The following PINX1 variants were observed in gnomAD, a reference collection of about 807,000 sequenced individuals.
PINX1 encodes PIN2 (TERF1) interacting telomerase inhibitor 1.
PINX1 carries 34 observed loss-of-function variants against 25.4 expected under a neutral mutation model. The observed-to-expected ratio is 1.34, with a 90% CI of 1.02 to 1.78. The LOEUF is 1.78. Ranked by LOEUF, PINX1 falls within the 40% of genes most tolerant of loss-of-function variation. The pLI, the probability that PINX1 is intolerant of heterozygous loss-of-function variation, is 0.00. For synonymous variants in PINX1, 197 were observed against 147.7 expected (o/e 1.33, Z -2.42); for missense variants, 592 against 404.9 (o/e 1.46, Z -3.97).
At chr8:10,773,081 A>C (rs1801280126) in intron 6 of PINX1, among the ~76,000 whole-genome samples, 1 of 152,228 alleles carries the variant, frequency 6.6e-6, no homozygotes, top group Non-Finnish European at 1.5e-5. Context: ...CTTTCTCATT[A>C]TACAAGTACA....
intron 2 of PINX1, 44 bp downstream of exon 2, chr8:10,834,622 C>T (rs1326729568): frequency 4.4e-6 from 7 of 1,599,022 alleles, no homozygotes; most frequent in Non-Finnish European, 5.1e-6. Context: ...AATTTCTAAT[C>T]TCTTTTCATA....
intron 6 of PINX1, among the ~76,000 whole-genome samples, chr8:10,794,646 C>T (rs989542457): frequency 2.0e-5 from 3 of 152,204 alleles, no homozygotes; most frequent in Non-Finnish European, 4.4e-5. Context: ...AGGCTGATCT[C>T]GAACTCCTGA....
At chr8:10,794,070 G>C (rs1159378373) in intron 6 of PINX1, among the ~76,000 whole-genome samples, 1 of 152,148 alleles carries the variant, frequency 6.6e-6, no homozygotes, top group Non-Finnish European at 1.5e-5. Context: ...TTAAAAAATG[G>C]ACTTGCTAGT....
chr8:10,767,162 A>T (rs1801078494), intron 6 of PINX1, among the ~76,000 whole-genome samples: 1 of 152,152 alleles, frequency 6.6e-6, no homozygotes, highest in African/African-American at 2.4e-5. Context: ...GAAATCTCCA[A>T]ATCAGGATTC....
intron 6 of PINX1, among the ~76,000 whole-genome samples, chr8:10,786,336 G>C (rs921951541): frequency 3.3e-5 from 5 of 152,148 alleles, no homozygotes; most frequent in African/African-American, 1.2e-4. Context: ...TTGCATGGTT[G>C]GCTCTTTCTA....
At chr8:10,790,788 G>A (rs1183352749) in intron 6 of PINX1, among the ~76,000 whole-genome samples, 1 of 151,988 alleles carries the variant, frequency 6.6e-6, no homozygotes, top group Non-Finnish European at 1.5e-5. Flanking sequence ...TTTCTAAAAT[G>A]CAAAAGCAAC....
chr8:10,765,647 C>G lies in PINX1; in HGVS notation c.741G>C (p.Glu247Asp), dbSNP rs1034759181. 2.5e-6 allele frequency: 4 copies of G among 1,613,880 alleles called. No homozygotes were observed. The highest frequency in any genetic ancestry group is 2.7e-5 in the African/African-American group (2 of 74,940). The change falls in exon 7 of 7, where the codon GAG (glutamate) becomes GAC (aspartate). Residue 247 changes from glutamate (E) to aspartate (D), a missense_variant. Glu to Asp is a conservative substitution (Grantham distance 45). Coordinates refer to ENST00000314787, the MANE Select transcript of PINX1 (RefSeq NM_017884.6). ...EGKPERAEAQ[E>D]RVAKKKSAPA... ...GCGCGCTCTTCTTCTTGGCCACTCGCTCCTGGGCCTCGGCCCTCTCGGGCT... is the reference window on the plus strand; with the variant it reads ...GCGCGCTCTTCTTCTTGGCCACTCGGTCCTGGGCCTCGGCCCTCTCGGGCT...
At chr8:10,826,269 A>AT (rs1395849775) in intron 4 of PINX1, 25 bp from the exon 5 acceptor site, 4 of 1,249,548 alleles carry the variant, frequency 3.2e-6, no homozygotes. Flanking sequence ...AAAAAAATAC[A>AT]TTAAAGTCTT....
At chr8:10,828,511 C>T (rs1165154889) in intron 4 of PINX1, among the ~76,000 whole-genome samples, 2 of 152,094 alleles carry the variant, frequency 1.3e-5, no homozygotes, top group Non-Finnish European at 2.9e-5. Context: ...GCGATGGGAC[C>T]GAAGCCCAGG....
At chr8:10,822,450 T>A (rs1406923686) in intron 5 of PINX1, among the ~76,000 whole-genome samples, 1 of 152,246 alleles carries the variant, frequency 6.6e-6, no homozygotes. Flanking sequence ...TAGTCTTCAA[T>A]GCGTAACATT....
intron 6 of PINX1, among the ~76,000 whole-genome samples, chr8:10,778,511 T>C (rs1801484491): frequency 6.6e-6 from 1 of 152,168 alleles, no homozygotes; most frequent in African/African-American, 2.4e-5. Flanking sequence ...GCAGCCTTAC[T>C]TTCTAACGGA....
chr8:10,767,725 C>CCA (rs552509331), intron 6 of PINX1, among the ~76,000 whole-genome samples: 1 of 147,924 alleles, frequency 6.8e-6, no homozygotes, highest in South Asian at 2.2e-4. Context: ...ACCCTCACAG[C>CCA]CACAGAGACA....
In PINX1 at chr8:10,773,505, T is replaced by C. The variant is rs116678981; in HGVS notation, c.472-7589A>G. ...AGGCATCAGAACTCCGCTTGGAAGT[T>C]ACAAACTCAGACACACCGGACATTG... On this transcript the variant is annotated intron_variant, in intron 6 of 6. Coordinates refer to ENST00000314787, the MANE Select transcript of PINX1 (RefSeq NM_017884.6). 1.1e-3 allele frequency among the ~76,000 whole-genome samples: 171 copies of C among 152,304 alleles called. 1 individual carries two copies. The highest frequency in any genetic ancestry group is 4.0e-3 in the African/African-American group (166 of 41,552).
At chr8:10,833,799 G>A (rs1798306872) in intron 2 of PINX1, 1 of 162,024 alleles carries the variant, frequency 6.2e-6, no homozygotes, top group East Asian at 1.9e-4. Flanking sequence ...AGGCAAGAGG[G>A]CGGAGGAATC....
chr8:10,837,125 G>A lies in PINX1; in HGVS notation c.20-2350C>T, dbSNP rs1223283405. Reference sequence around the variant, plus strand: ...AGAACTGGTAAGAGTGGCTCATTGTGCCTGTTTATGCAAATGATACAGTTT... The same window carrying A: ...AGAACTGGTAAGAGTGGCTCATTGTACCTGTTTATGCAAATGATACAGTTT... On this transcript the variant is annotated intron_variant, in intron 1 of 6. Coordinates refer to ENST00000314787, the MANE Select transcript of PINX1 (RefSeq NM_017884.6). Among the ~76,000 whole-genome samples the A allele has an allele frequency of 2.0e-5, 3 of 152,200 alleles. No individual in the cohort carries two copies. The East Asian group carries it at 5.8e-4, about 29-fold the overall frequency.
chr8:10,773,332 G>C (rs980105524), intron 6 of PINX1, among the ~76,000 whole-genome samples: 3 of 152,198 alleles, frequency 2.0e-5, no homozygotes, highest in African/African-American at 7.2e-5. Context: ...TTTCTGAACT[G>C]TGTCAGCAAG....
intron 6 of PINX1, among the ~76,000 whole-genome samples, 154 bp from the exon 7 acceptor site, chr8:10,766,070 G>A (rs571740459): frequency 3.9e-4 from 59 of 152,252 alleles, no homozygotes; most frequent in Admixed American, 3.3e-3. Context: ...ACAAGGCTGA[G>A]TGACACGCTC....
At chr8:10,784,115 C>G (rs1801675471) in intron 6 of PINX1, among the ~76,000 whole-genome samples, 1 of 152,094 alleles carries the variant, frequency 6.6e-6, no homozygotes, top group Non-Finnish European at 1.5e-5. Context: ...TATCTGAGGT[C>G]CATTAAAAAA....
intron 6 of PINX1, among the ~76,000 whole-genome samples, chr8:10,778,625 C>A (rs533652276): frequency 6.6e-6 from 1 of 152,284 alleles, no homozygotes; most frequent in South Asian, 2.1e-4. Flanking sequence ...CTTTGATTCA[C>A]AATGCATATC....
Sources: allele counts gnomAD v4.1 joint callset (sites outside exome capture counted in the v4.1 genomes callset), GRCh38; gene constraint gnomAD v4.1.1; transcripts MANE v1.5; gene names NCBI Gene and HGNC (gene_info 2026-07-23, HGNC 2026-07-21).